The following SQLE variants were observed in gnomAD, a reference collection of about 807,000 sequenced individuals.
SQLE encodes squalene monooxygenase.
In SQLE, 29 loss-of-function variants were observed where a neutral mutation model predicts 60.7. That is an observed-to-expected ratio of 0.48 (90% CI 0.36 to 0.65). The LOEUF (loss-of-function observed/expected upper bound fraction) is 0.65. Ranked by LOEUF, SQLE falls within the 30% of genes least tolerant of loss-of-function variation. SQLE has a pLI of 0.00. For missense variants in SQLE, 605 were observed against 684.1 expected, an observed-to-expected ratio of 0.88 and a Z score of 1.29; for synonymous variants, 237 against 246.8, an observed-to-expected ratio of 0.96 and a Z score of 0.37.
chr8:125,018,692 C>T lies in SQLE; in HGVS notation c.1409C>T (p.Ala470Val). 6.2e-7 allele frequency: 1 copy of T among 1,606,130 alleles called. No homozygotes were observed. Among genetic ancestry groups the T allele is most frequent in the Non-Finnish European group, 8.5e-7 (1 of 1,177,856 alleles). The change falls in exon 9 of 11, where the codon GCT becomes GTT. Residue 470 changes from alanine (A) to valine (V), a missense_variant. Ala to Val is a moderately conservative substitution (Grantham distance 64, BLOSUM62 0). Transcript: ENST00000265896. ...TSHSFVVNIL[A>V]QALYELFSAT... Reference sequence around the variant, plus strand: ...CATTCCTTTGTCGTGAATATCCTTGCTCAGGCTCTTTATGAATTATTTTCT... The same window carrying T: ...CATTCCTTTGTCGTGAATATCCTTGTTCAGGCTCTTTATGAATTATTTTCT...
chr8:124,998,748 G>C lies in SQLE; in HGVS notation c.-656G>C, dbSNP rs1814789636. On this transcript the variant is annotated 5_prime_UTR_variant, in exon 1 of 11. Transcript: ENST00000265896. ...GCCTCTAAATCTTTAGGTTGGGGCT[G>C]CATTGCCCTGGAGCCGCACTCTTGA... 3.7e-6 allele frequency: 2 copies of C among 547,224 alleles called. No individual in the cohort carries two copies. Among genetic ancestry groups the C allele is most frequent in the Admixed American group, 6.9e-5 (2 of 29,032 alleles). The allele number at this position is 547,224 out of a possible 1,614,324, so 33.9% of individuals were successfully genotyped here.
intron 3 of SQLE, among the ~76,000 whole-genome samples, chr8:125,006,515 G>A (rs1177651230): frequency 6.6e-6 from 1 of 151,306 alleles, no homozygotes; most frequent in Non-Finnish European, 1.5e-5. Context: ...CAGCTACTTG[G>A]GAGGCTAAGG....
Position 124,999,357 on chromosome 8 carries a change from C to CAGAT in SQLE, c.-45_-42dup, listed in dbSNP as rs1554586849. ...GGGGAGAACCTTAAACCCACTCGAG[C>CAGAT]AGATAATCTCCGCCTTGACCGGTGC... On this transcript the variant is annotated 5_prime_UTR_variant, in exon 1 of 11. Coordinates refer to ENST00000265896, the MANE Select transcript of SQLE (RefSeq NM_003129.4). The CAGAT allele has an allele frequency of 6.8e-7, 1 of 1,469,016 alleles. No homozygotes were observed. The highest frequency in any genetic ancestry group is 9.0e-7 in the Non-Finnish European group (1 of 1,110,216). 91.0% of individuals were successfully genotyped at this position (1,469,016 alleles called of 1,614,324 possible).
At chr8:124,999,792 GT>G in intron 1 of SQLE, 98 bp downstream of exon 1, 1 of 1,377,936 alleles carries the variant, frequency 7.3e-7, no homozygotes, top group Non-Finnish European at 9.7e-7. Context: ...AAGGCGGCAG[GT>G]TAGATGCTTG....
intron 10 of SQLE, 72 bp from the exon 11 acceptor site, chr8:125,021,681 A>T: frequency 9.1e-7 from 1 of 1,092,924 alleles, no homozygotes; most frequent in Admixed American, 2.7e-5. Context: ...TTCGTAGATT[A>T]TATGTAATTG....
chr8:125,018,282 G>A (rs1478547302), intron 8 of SQLE, 81 bp downstream of exon 8: 4 of 1,421,436 alleles, frequency 2.8e-6, no homozygotes, highest in East Asian at 2.3e-5. Flanking sequence ...CTGATGGGGA[G>A]ATCTGTACTA....
chr8:125,010,625 G>A (rs929237039), intron 6 of SQLE, among the ~76,000 whole-genome samples: 4 of 152,002 alleles, frequency 2.6e-5, no homozygotes, highest in Non-Finnish European at 4.4e-5. Flanking sequence ...TTTTCAACAT[G>A]TACATGGAAA....
chr8:125,002,226 G>T (rs1404327478), intron 1 of SQLE, among the ~76,000 whole-genome samples: 1 of 152,150 alleles, frequency 6.6e-6, no homozygotes, highest in Non-Finnish European at 1.5e-5. Context: ...GAGTCGGTAT[G>T]AGTTATTTCT....
At chr8:125,018,276 T>A in intron 8 of SQLE, 75 bp downstream of exon 8, 1 of 1,459,008 alleles carries the variant, frequency 6.9e-7, no homozygotes, top group Non-Finnish European at 9.4e-7. Context: ...GGGGCTCTGA[T>A]GGGGAGATCT....
rs138736179 is a variant in SQLE, at chr8:125,005,114, A to G, written c.545-411A>G. Among the ~76,000 whole-genome samples, 629 of 151,970 alleles carry G rather than the reference A, an allele frequency of 4.1e-3. 7 individuals are homozygous for G. Among genetic ancestry groups the G allele is most frequent in the African/African-American group, 0.013 (556 of 41,440 alleles). On this transcript the variant is annotated intron_variant, in intron 2 of 10. Coordinates refer to ENST00000265896, the MANE Select transcript of SQLE (RefSeq NM_003129.4). Reference sequence around the variant, plus strand: ...AATTGGGGTTTTTTTTTGAGTTTCCATACTGGTTTTATTTTATTTTTATTT... The same window carrying G: ...AATTGGGGTTTTTTTTTGAGTTTCCGTACTGGTTTTATTTTATTTTTATTT...
intron 1 of SQLE, among the ~76,000 whole-genome samples, chr8:125,001,347 G>A (rs1359725008): frequency 6.6e-6 from 1 of 151,898 alleles, no homozygotes; most frequent in African/African-American, 2.4e-5. Context: ...GTGAACCAGG[G>A]AGTTGTTAGA....
At chr8:125,014,313 TTTTC>T (rs911321460) in intron 7 of SQLE, among the ~76,000 whole-genome samples, 1 of 152,158 alleles carries the variant, frequency 6.6e-6, no homozygotes, top group Non-Finnish European at 1.5e-5. Context: ...GTTAATTGGG[TTTTC>T]TTTCTTTTTT....
chr8:125,005,362 C>T (rs570190659), intron 2 of SQLE, among the ~76,000 whole-genome samples, 163 bp from the exon 3 acceptor site: 27 of 133,284 alleles, frequency 2.0e-4, no homozygotes, highest in African/African-American at 8.7e-4. Context: ...TCATTGACTT[C>T]CAGAAGCATT....
At chr8:125,014,658 T>C (rs1815083722) in intron 7 of SQLE, among the ~76,000 whole-genome samples, 1 of 152,236 alleles carries the variant, frequency 6.6e-6, no homozygotes, top group African/African-American at 2.4e-5. Context: ...AATTTCTTCA[T>C]TGACCCACTG....
Position 124,999,311 on chromosome 8 carries a change from C to A in SQLE, c.-93C>A. 2.3e-6 allele frequency: 3 copies of A among 1,283,654 alleles called. No homozygotes were observed. Among genetic ancestry groups the A allele is most frequent in the Non-Finnish European group, 3.0e-6 (3 of 988,370 alleles). 79.5% of individuals were successfully genotyped at this position (1,283,654 alleles called of 1,614,324 possible). ...ACTGGAGTCTGGCCGGCTCTCCGTG[C>A]TCCTCTTGGTACCTCATTTTGGGGA... On this transcript the variant is annotated 5_prime_UTR_variant, in exon 1 of 11. Coordinates refer to ENST00000265896, the MANE Select transcript of SQLE (RefSeq NM_003129.4).
In SQLE at chr8:124,998,798, A is replaced by G. The variant is rs1334186574; in HGVS notation, c.-606A>G. 4 of 490,062 alleles carry G rather than the reference A, an allele frequency of 8.2e-6. No homozygotes were observed. Among genetic ancestry groups the G allele is most frequent in the Non-Finnish European group, 1.5e-5 (4 of 274,840 alleles). 30.4% of individuals were successfully genotyped at this position (490,062 alleles called of 1,614,324 possible). A position where few individuals can be genotyped will look rare whatever the true frequency, so the allele number is the denominator to read the frequency against. ...AGTCCGAGGCCATCTTTTGTTGGAG[A>G]AGGCGTCGGCGTTGGCGTTTTCCCG... On this transcript the variant is annotated 5_prime_UTR_variant, in exon 1 of 11. Coordinates refer to ENST00000265896, the MANE Select transcript of SQLE (RefSeq NM_003129.4).
intron 1 of SQLE, among the ~76,000 whole-genome samples, chr8:125,001,473 TG>T (rs1814850479): frequency 6.9e-6 from 1 of 145,784 alleles, no homozygotes; most frequent in Non-Finnish European, 1.5e-5. Flanking sequence ...TGTGTGTGTG[TG>T]TGTGTGTGTG....
chr8:124,998,645 A>G lies in SQLE; in HGVS notation c.-759A>G, dbSNP rs1186115028. 3.0e-6 allele frequency: 2 copies of G among 674,286 alleles called. No homozygotes were observed. Among genetic ancestry groups the G allele is most frequent in the East Asian group, 3.0e-5 (1 of 33,528 alleles). The allele number at this position is 674,286 out of a possible 1,614,324, so 41.8% of individuals were successfully genotyped here. A position where few individuals can be genotyped will look rare whatever the true frequency, so the allele number is the denominator to read the frequency against. On this transcript the variant is annotated 5_prime_UTR_variant, in exon 1 of 11. Coordinates refer to ENST00000265896, the MANE Select transcript of SQLE (RefSeq NM_003129.4). ...GGGAGCCGCCGCCGCCATCTGAGGGAGGTACCCTGGAAACCACCTTTTATC... is the reference window on the plus strand; with the variant it reads ...GGGAGCCGCCGCCGCCATCTGAGGGGGGTACCCTGGAAACCACCTTTTATC...
At position 125,013,695 on chromosome 8, in the gene SQLE, T is replaced by C. The variant is rs887710417; in HGVS notation, c.1204+2063T>C. Reference sequence around the variant, plus strand: ...CTTCTAAGAGTTTTATAGTTTTACCTCTTAAATTTAGCTCTTTGATCCATT... The same window carrying C: ...CTTCTAAGAGTTTTATAGTTTTACCCCTTAAATTTAGCTCTTTGATCCATT... On this transcript the variant is annotated intron_variant, in intron 7 of 10. Coordinates refer to ENST00000265896, the MANE Select transcript of SQLE (RefSeq NM_003129.4). 3.9e-5 allele frequency among the ~76,000 whole-genome samples: 6 copies of C among 152,294 alleles called. No homozygotes were observed. In the East Asian group the frequency reaches 1.2e-3, roughly 29 times the overall value.
Sources: gnomAD v4.1 joint callset for allele counts (sites outside exome capture counted in the v4.1 genomes callset) on GRCh38, gnomAD v4.1.1 for gene constraint, MANE v1.5 for transcripts, NCBI Gene and HGNC (gene_info 2026-07-23, HGNC 2026-07-21) for gene names.